PRR16: variants seen among roughly 807,000 people sequenced by gnomAD.
The protein encoded by PRR16 is protein Largen.
A neutral mutation model predicts 18.2 loss-of-function variants in PRR16; 6 were observed. The observed-to-expected ratio is 0.33, with a 90% CI of 0.18 to 0.65. PRR16 has a LOEUF of 0.65. Ranked by LOEUF, PRR16 falls within the 30% of genes least tolerant of loss-of-function variation. The probability of loss-of-function intolerance (pLI) is 0.74; values close to 1 mark genes in which losing one functional copy is unlikely to be tolerated. For synonymous variants in PRR16, 151 were observed against 147.8 expected, an observed-to-expected ratio of 1.02 and a Z score of -0.16; for missense variants, 412 against 376.6, an observed-to-expected ratio of 1.09 and a Z score of -0.78.
In PRR16 at chr5:120,582,616, A is replaced by T. The variant is rs1326540161; in HGVS notation, c.160-103338A>T. ...AATAGATAAAGAAATATTGTTAAGG[A>T]CTTTAAAAACAATCTGGAGGCTTTT... is the stretch of plus-strand genomic sequence containing the variant. On this transcript the variant is annotated intron_variant, in intron 1 of 1. Coordinates refer to ENST00000407149, the MANE Select transcript of PRR16 (RefSeq NM_001300783.2). 2.0e-5 allele frequency among the ~76,000 whole-genome samples: 3 copies of T among 152,334 alleles called. No homozygotes were observed. In the East Asian group the frequency reaches 5.8e-4, roughly 29 times the overall value.
the PRR16 span, among the ~76,000 whole-genome samples, chr5:120,740,430 T>C: frequency 6.6e-6 from 1 of 152,216 alleles, no homozygotes; most frequent in East Asian, 1.9e-4. Flanking sequence ...AGACTTTCTA[T>C]TGGAAATTTC....
intron 1 of PRR16, among the ~76,000 whole-genome samples, chr5:120,504,100 T>C (rs1750561689): frequency 1.3e-5 from 2 of 151,916 alleles, no homozygotes; most frequent in South Asian, 4.2e-4. Flanking sequence ...TGTATACATG[T>C]GCCATGCTGG....
rs1190697515 is a variant in PRR16 at position 120,633,884 on chromosome 5, A to G, written c.160-52070A>G. Among the ~76,000 whole-genome samples, 3 of 152,228 alleles carry G rather than the reference A, an allele frequency of 2.0e-5. No homozygotes were observed. The East Asian group carries it at 5.8e-4, about 30-fold the overall frequency. The stretch of plus-strand genomic sequence containing the variant: ...TTCCACTGACAGCACTAGATAGGTC[A>G]TCAAGACAGAAAGTCAGCAAACAAT... On this transcript the variant is annotated intron_variant, in intron 1 of 1. Coordinates refer to ENST00000407149, the MANE Select transcript of PRR16 (RefSeq NM_001300783.2).
chr5:120,654,681 A>C (rs933928311), intron 1 of PRR16, among the ~76,000 whole-genome samples: 6 of 152,016 alleles, frequency 3.9e-5, no homozygotes, highest in African/African-American at 1.4e-4. Flanking sequence ...GTGAGAGAGA[A>C]TATACTACAT....
chr5:120,783,522 C>CT, the PRR16 span, among the ~76,000 whole-genome samples: 1 of 151,956 alleles, frequency 6.6e-6, no homozygotes, highest in African/African-American at 2.4e-5. Flanking sequence ...CCTCAACTTT[C>CT]TTTTTTCAAA....
chr5:120,592,436 T>A (rs928328459), intron 1 of PRR16, among the ~76,000 whole-genome samples: 2 of 152,172 alleles, frequency 1.3e-5, no homozygotes, highest in Non-Finnish European at 2.9e-5. Context: ...GGTTTTGATT[T>A]GACAGATAGT....
chr5:120,776,103 CTGCT>C, the PRR16 span, among the ~76,000 whole-genome samples: 2 of 152,100 alleles, frequency 1.3e-5, no homozygotes, highest in South Asian at 4.2e-4. Flanking sequence ...CTCACTGTTG[CTGCT>C]CCCACTGGAG....
chr5:120,770,897 A>G, the PRR16 span, among the ~76,000 whole-genome samples: 1 of 145,632 alleles, frequency 6.9e-6, no homozygotes, highest in African/African-American at 2.6e-5. Flanking sequence ...GAATTCCCAT[A>G]ACTCTGTGAG....
rs185487498 is a variant in PRR16 at position 120,632,608 on chromosome 5, C to T, written c.160-53346C>T. The stretch of plus-strand genomic sequence containing the variant: ...CACCAGAAAGTCTCAGCAATAGACT[C>T]GAAGAAGCGGAAGAAAGAACTTCAG... On this transcript the variant is annotated intron_variant, in intron 1 of 1. Transcript: ENST00000407149. Among the ~76,000 whole-genome samples the T allele has an allele frequency of 5.9e-5, 9 of 152,096 alleles. No individual in the cohort carries two copies. The East Asian group carries it at 1.4e-3, about 23-fold the overall frequency.
At chr5:120,671,220 T>A (rs999068214) in intron 1 of PRR16, among the ~76,000 whole-genome samples, 1 of 152,214 alleles carries the variant, frequency 6.6e-6, no homozygotes, top group Non-Finnish European at 1.5e-5. Context: ...TGCATTTTAT[T>A]GTGCCTAATG....
intron 1 of PRR16, among the ~76,000 whole-genome samples, chr5:120,600,983 T>C (rs1476361696): frequency 6.6e-6 from 1 of 152,028 alleles, no homozygotes; most frequent in Non-Finnish European, 1.5e-5. Flanking sequence ...TTAATGAGCA[T>C]GTAGGTTGAT....
rs1480625378 is a variant in PRR16, at chr5:120,680,332, T to G, written c.160-5622T>G. On this transcript the variant is annotated intron_variant, in intron 1 of 1. Coordinates refer to ENST00000407149, the MANE Select transcript of PRR16 (RefSeq NM_001300783.2). ...TATACCTACTGAATATATCTTTTTA[T>G]TATTTCTTAAAATATTCAACATTAG... Among the ~76,000 whole-genome samples the G allele has an allele frequency of 5.9e-5, 9 of 152,166 alleles. No individual in the cohort carries two copies. The East Asian group carries it at 1.7e-3, about 29-fold the overall frequency.
chr5:120,768,011 A>G, the PRR16 span, among the ~76,000 whole-genome samples: 1 of 151,772 alleles, frequency 6.6e-6, no homozygotes, highest in East Asian at 1.9e-4. Flanking sequence ...CATCACCACA[A>G]TCTAATTTTA....
chr5:120,637,354 CAT>C (rs1199124253), intron 1 of PRR16, among the ~76,000 whole-genome samples: 9 of 133,038 alleles, frequency 6.8e-5, no homozygotes, highest in Admixed American at 1.6e-4. Flanking sequence ...CTTGCACACA[CAT>C]GTTTATAGCA....
chr5:120,653,853 T>G (rs1035831584), intron 1 of PRR16, among the ~76,000 whole-genome samples: 5 of 151,964 alleles, frequency 3.3e-5, no homozygotes, highest in African/African-American at 1.2e-4. Flanking sequence ...TAAAAGTGAG[T>G]AATGCCTTAG....
chr5:120,500,335 C>T (rs1219482065), intron 1 of PRR16, among the ~76,000 whole-genome samples: 1 of 152,092 alleles, frequency 6.6e-6, no homozygotes, highest in Admixed American at 6.5e-5. Context: ...GGGATTGGTT[C>T]TTGAAGTCCC....
chr5:120,705,733 A>T, the PRR16 span, among the ~76,000 whole-genome samples: 1 of 152,120 alleles, frequency 6.6e-6, no homozygotes, highest in Non-Finnish European at 1.5e-5. Context: ...ATTTAATATG[A>T]AAGATAGTAA....
At chr5:120,641,923 T>C (rs911164318) in intron 1 of PRR16, among the ~76,000 whole-genome samples, 3 of 152,100 alleles carry the variant, frequency 2.0e-5, no homozygotes, top group Admixed American at 2.0e-4. Context: ...CCACTGTCCT[T>C]ACCCTAGGCA....
chr5:120,473,966 A>G (rs1214222303), intron 1 of PRR16, among the ~76,000 whole-genome samples: 1 of 152,170 alleles, frequency 6.6e-6, no homozygotes, highest in East Asian at 1.9e-4. Flanking sequence ...GTGAAGGAGC[A>G]AGCAGTAAGG....
Sources: gnomAD v4.1 joint callset for allele counts (sites outside exome capture counted in the v4.1 genomes callset) on GRCh38, gnomAD v4.1.1 for gene constraint, MANE v1.5 for transcripts, NCBI Gene and HGNC (gene_info 2026-07-23, HGNC 2026-07-21) for gene names.